Variants in RIMS2 observed in about 807,000 individuals in gnomAD.
The protein encoded by RIMS2 is regulating synaptic membrane exocytosis 2.
RIMS2 carries 59 observed loss-of-function variants against 174.4 expected under a neutral mutation model. That is an observed-to-expected ratio of 0.34 (90% CI 0.27 to 0.42). The LOEUF (loss-of-function observed/expected upper bound fraction) is 0.42. Ranked by LOEUF, RIMS2 falls within the 10% of genes least tolerant of loss-of-function variation. RIMS2 has a pLI of 1.00. For missense variants in RIMS2, 1,620 were observed against 1,666.3 expected (o/e 0.97, Z 0.48); for synonymous variants, 606 against 572.5 (o/e 1.06, Z -0.84).
At chr8:103,774,988 T>C (rs1053162736) in intron 3 of RIMS2, among the ~76,000 whole-genome samples, 1 of 152,192 alleles carries the variant, frequency 6.6e-6, no homozygotes, top group Non-Finnish European at 1.5e-5. Context: ...AGTAAATGTT[T>C]AAGACATTGT....
At chr8:103,992,155 C>T (rs1481906388) in intron 17 of RIMS2, among the ~76,000 whole-genome samples, 1 of 152,048 alleles carries the variant, frequency 6.6e-6, no homozygotes, top group African/African-American at 2.4e-5. Context: ...GTCACCCAGG[C>T]TGGAGTTCAA....
chr8:103,705,424 G>T (rs1001406748), intron 2 of RIMS2, among the ~76,000 whole-genome samples: 2 of 152,108 alleles, frequency 1.3e-5, no homozygotes, highest in African/African-American at 4.8e-5. Context: ...GTTTGTCACA[G>T]TTGGATGAAA....
At chr8:103,807,130 G>T (rs924132693) in intron 3 of RIMS2, among the ~76,000 whole-genome samples, 1 of 152,008 alleles carries the variant, frequency 6.6e-6, no homozygotes. Flanking sequence ...AGCAGAGAGG[G>T]TTCACAACAC....
intron 1 of RIMS2, among the ~76,000 whole-genome samples, chr8:103,656,762 C>T (rs13439734): frequency 0.18 from 26,910 of 152,086 alleles, 2,591 homozygotes; most frequent in African/African-American, 0.24. Flanking sequence ...AGTAAGTTTA[C>T]TGGGTGAAGA....
At chr8:103,607,068 C>G (rs1488016737) in intron 1 of RIMS2, among the ~76,000 whole-genome samples, 5 of 151,144 alleles carry the variant, frequency 3.3e-5, no homozygotes, top group Non-Finnish European at 7.4e-5. Context: ...TTATTTTGCT[C>G]GTTAGTTGAT....
At chr8:103,702,746 G>T (rs1298825516) in intron 2 of RIMS2, among the ~76,000 whole-genome samples, 2 of 150,944 alleles carry the variant, frequency 1.3e-5, no homozygotes, top group African/African-American at 2.4e-5. Context: ...TGAATTCTCT[G>T]TTCTTTTCCC....
intron 3 of RIMS2, among the ~76,000 whole-genome samples, chr8:103,860,814 T>G (rs2099054832): frequency 6.6e-6 from 1 of 152,124 alleles, no homozygotes; most frequent in Non-Finnish European, 1.5e-5. Flanking sequence ...CAAAATAATT[T>G]TAATACTTTG....
At chr8:103,586,810 G>C (rs146122136) in intron 1 of RIMS2, among the ~76,000 whole-genome samples, 196 of 151,820 alleles carry the variant, frequency 1.3e-3, no homozygotes, top group African/African-American at 4.4e-3. Flanking sequence ...TTGGCTTTTT[G>C]AATTGTTAAA....
chr8:103,754,509 G>A, intron 2 of RIMS2, among the ~76,000 whole-genome samples: 1 of 152,138 alleles, frequency 6.6e-6, no homozygotes, highest in Non-Finnish European at 1.5e-5. Flanking sequence ...TCATTGATCT[G>A]TCTCTTGTTG....
rs75541305 is a variant in RIMS2 at position 104,231,608 on chromosome 8, C to T, written c.3335-13308C>T. Reference sequence around the variant, plus strand: ...TGTGGCTGAATTGGAAATACTGGCTCCACCTCTTCCTAGTTGTATGGACTG... The same window carrying T: ...TGTGGCTGAATTGGAAATACTGGCTTCACCTCTTCCTAGTTGTATGGACTG... On this transcript the variant is annotated intron_variant, in intron 19 of 23. Transcript: ENST00000504942. Among the ~76,000 whole-genome samples, 1,132 of 152,272 alleles carry T rather than the reference C, an allele frequency of 7.4e-3. 7 individuals are homozygous for T. The highest frequency in any genetic ancestry group is 0.012 in the Non-Finnish European group (848 of 68,012).
At chr8:104,096,678 G>A (rs1167469211) in intron 19 of RIMS2, among the ~76,000 whole-genome samples, 2 of 151,968 alleles carry the variant, frequency 1.3e-5, no homozygotes, top group Non-Finnish European at 2.9e-5. Context: ...GACCATCCTG[G>A]CCAACGTGGT....
intron 1 of RIMS2, among the ~76,000 whole-genome samples, chr8:103,632,589 T>G (rs1457257147): frequency 6.6e-6 from 1 of 150,982 alleles, no homozygotes; most frequent in Non-Finnish European, 1.5e-5. Flanking sequence ...CCCAGCTAAT[T>G]TTTGTATTTT....
chr8:103,885,547 C>T, exon 4 of RIMS2: 1 of 1,612,270 alleles, frequency 6.2e-7, no homozygotes, highest in Non-Finnish European at 8.5e-7. Context: ...ATGTGGAAAG[C>T]AGAGATGAAT....
intron 20 of RIMS2, among the ~76,000 whole-genome samples, chr8:104,246,498 C>T (rs1174245958): frequency 2.0e-5 from 3 of 152,136 alleles, no homozygotes. Context: ...ATCACATTTA[C>T]ACTCTCATAG....
At chr8:104,231,426 T>C (rs1446157218) in intron 19 of RIMS2, among the ~76,000 whole-genome samples, 1 of 152,178 alleles carries the variant, frequency 6.6e-6, no homozygotes, top group Non-Finnish European at 1.5e-5. Context: ...CTTCTTGCTC[T>C]TTGTCTCCAA....
intron 1 of RIMS2, among the ~76,000 whole-genome samples, chr8:103,568,364 A>G (rs2092542843): frequency 6.6e-6 from 1 of 152,246 alleles, no homozygotes; most frequent in African/African-American, 2.4e-5. Flanking sequence ...GTTTAATCAC[A>G]GTTTTATAAC....
chr8:103,773,250 G>T (rs894092476), intron 3 of RIMS2, among the ~76,000 whole-genome samples: 2 of 152,064 alleles, frequency 1.3e-5, no homozygotes, highest in African/African-American at 4.8e-5. Context: ...AATTTCAAGA[G>T]AAAATATTTG....
intron 17 of RIMS2, among the ~76,000 whole-genome samples, chr8:103,993,606 A>G (rs2154550987): frequency 6.6e-6 from 1 of 152,374 alleles, no homozygotes; most frequent in Admixed American, 6.5e-5. Flanking sequence ...AAGAAAATTC[A>G]CTTTACAAAA....
rs564521063 is a variant in RIMS2 at position 103,748,573 on chromosome 8, A to T, written c.388-17654A>T. ...CTTCTTTAAAAATTTCTTCTCTGCAAGGTCGTTCTGGTGATTTCCATATCA... is the reference window on the plus strand; with the variant it reads ...CTTCTTTAAAAATTTCTTCTCTGCATGGTCGTTCTGGTGATTTCCATATCA... On this transcript the variant is annotated intron_variant, in intron 2 of 23. Coordinates refer to ENST00000504942, the Ensembl canonical transcript of RIMS2. 3.7e-4 allele frequency among the ~76,000 whole-genome samples: 57 copies of T among 152,226 alleles called. 2 individuals carry two copies. The South Asian group carries it at 0.011, about 28-fold the overall frequency.
Sources: allele counts gnomAD v4.1 joint callset (sites outside exome capture counted in the v4.1 genomes callset), GRCh38; gene constraint gnomAD v4.1.1; transcripts MANE v1.5; gene names NCBI Gene and HGNC (gene_info 2026-07-23, HGNC 2026-07-21).